CDH17: variants seen among roughly 807,000 people sequenced by gnomAD.
CDH17 encodes cadherin-17.
In CDH17, 67 loss-of-function variants were observed where a neutral mutation model predicts 86.3. The observed-to-expected ratio is 0.78, with a 90% confidence interval of 0.64 to 0.95. The LOEUF is 0.95. Ranked by LOEUF, CDH17 falls within the 40% of genes least tolerant of loss-of-function variation. The probability of loss-of-function intolerance (pLI) is 0.00; values close to 1 mark genes in which losing one functional copy is unlikely to be tolerated. For missense variants in CDH17, 993 were observed against 1,017.6 expected (o/e 0.98, Z 0.33); for synonymous variants, 367 against 366.4 (o/e 1.00, Z -0.02).
chr8:94,192,033 C>G (rs1032081080), intron 2 of CDH17, among the ~76,000 whole-genome samples: 1 of 152,190 alleles, frequency 6.6e-6, no homozygotes, highest in Non-Finnish European at 1.5e-5. Flanking sequence ...TTCAGTTAGT[C>G]ACACCAGTGA....
chr8:94,192,439 A>C (rs1813705882), intron 2 of CDH17, among the ~76,000 whole-genome samples: 1 of 152,214 alleles, frequency 6.6e-6, no homozygotes, highest in African/African-American at 2.4e-5. Flanking sequence ...GGACTTGATC[A>C]CCACAAGACA....
upstream of CDH17, among the ~76,000 whole-genome samples, chr8:94,211,060 A>G (rs925899006): frequency 6.6e-6 from 1 of 151,790 alleles, no homozygotes; most frequent in African/African-American, 2.4e-5. Flanking sequence ...TGAACAAGTG[A>G]AAGGACTTGG....
rs762152827 is a variant in CDH17 at position 94,148,759 on chromosome 8, C to T, written c.1912G>A (p.Val638Met). 1.3e-6 allele frequency: 2 copies of T among 1,528,960 alleles called. No individual in the cohort carries two copies. Among genetic ancestry groups the T allele is most frequent in the East Asian group, 2.5e-5 (1 of 39,532 alleles). The allele number at this position is 1,528,960 out of a possible 1,614,324, so 94.7% of individuals were successfully genotyped here. ...TTTTGCTTACCTACTTCTGTGGCCACCACTTGTACCCGATATGGACTTCCG... is the reference window on the plus strand; with the variant it reads ...TTTTGCTTACCTACTTCTGTGGCCATCACTTGTACCCGATATGGACTTCCG... ...EAGSPYRVQV[V>M]ATEVGGSSLS... Residue 638 changes from valine (V) to methionine (M), a missense_variant, in exon 14 of 18, where the codon GTG becomes ATG. Physicochemically the swap from Val to Met is conservative, Grantham distance 21 (BLOSUM62 1). Transcript: ENST00000027335.
chr8:94,137,777 T>G (rs561419378), intron 15 of CDH17, among the ~76,000 whole-genome samples: 1 of 152,330 alleles, frequency 6.6e-6, no homozygotes, highest in South Asian at 2.1e-4. Context: ...ACCCTGCCAG[T>G]GTCCATGAAA....
chr8:94,135,626 T>C (rs538031100), intron 15 of CDH17, among the ~76,000 whole-genome samples: 3 of 152,326 alleles, frequency 2.0e-5, no homozygotes, highest in East Asian at 3.9e-4. Flanking sequence ...GTCTGTGTCT[T>C]TTAATTGGGG....
intron 15 of CDH17, among the ~76,000 whole-genome samples, chr8:94,142,335 A>C (rs996814352): frequency 6.6e-6 from 1 of 152,220 alleles, no homozygotes; most frequent in Non-Finnish European, 1.5e-5. Flanking sequence ...CTAAAAATAA[A>C]AAACCCCTAA....
chr8:94,182,306 GA>G (rs1213049964), intron 3 of CDH17, among the ~76,000 whole-genome samples: 1 of 151,946 alleles, frequency 6.6e-6, no homozygotes, highest in Non-Finnish European at 1.5e-5. Context: ...ACCCAAACCA[GA>G]AAAAAGTCAA....
At chr8:94,201,594 C>A (rs971030890) in intron 1 of CDH17, among the ~76,000 whole-genome samples, 9 of 152,338 alleles carry the variant, frequency 5.9e-5, no homozygotes, top group African/African-American at 2.2e-4. Flanking sequence ...CTACTGCCCT[C>A]TTGATTTTGG....
chr8:94,128,955 A>G (rs1812355560), intron 17 of CDH17, among the ~76,000 whole-genome samples: 1 of 152,180 alleles, frequency 6.6e-6, no homozygotes, highest in African/African-American at 2.4e-5. Context: ...CTGATTGTGT[A>G]CTGTCAGAGT....
intron 2 of CDH17, among the ~76,000 whole-genome samples, chr8:94,190,498 C>A (rs1813667593): frequency 1.3e-5 from 2 of 152,214 alleles, no homozygotes; most frequent in Admixed American, 6.5e-5. Flanking sequence ...CCTCTAGGAC[C>A]AGGGATTTAG....
chr8:94,178,379 C>T (rs1057321805), intron 3 of CDH17, among the ~76,000 whole-genome samples: 2 of 151,896 alleles, frequency 1.3e-5, no homozygotes, highest in Non-Finnish European at 2.9e-5. Flanking sequence ...TATAAAGAAA[C>T]ATTGTTGATG....
intron 2 of CDH17, among the ~76,000 whole-genome samples, chr8:94,191,345 T>C (rs1476055484): frequency 1.3e-5 from 2 of 152,156 alleles, no homozygotes; most frequent in African/African-American, 4.8e-5. Flanking sequence ...CTGCCCTGGA[T>C]TGCCTACTTC....
At chr8:94,195,154 A>G (rs1009587797) in intron 1 of CDH17, among the ~76,000 whole-genome samples, 2 of 152,138 alleles carry the variant, frequency 1.3e-5, no homozygotes, top group African/African-American at 2.4e-5. Flanking sequence ...AATGCCCATC[A>G]CCACGCCTGG....
At chr8:94,145,571 T>C (rs1812725009) in intron 15 of CDH17, among the ~76,000 whole-genome samples, 1 of 152,196 alleles carries the variant, frequency 6.6e-6, no homozygotes, top group African/African-American at 2.4e-5. Flanking sequence ...GGTATTTACA[T>C]GTAATCAATT....
intron 17 of CDH17, among the ~76,000 whole-genome samples, chr8:94,128,959 T>C (rs1812355704): frequency 6.6e-6 from 1 of 152,176 alleles, no homozygotes; most frequent in Non-Finnish European, 1.5e-5. Context: ...TTGTGTACTG[T>C]CAGAGTCCAC....
chr8:94,147,850 T>C (rs559543753), intron 14 of CDH17, among the ~76,000 whole-genome samples: 52 of 152,322 alleles, frequency 3.4e-4, no homozygotes, highest in African/African-American at 1.3e-3. Context: ...CTGTCTTTCC[T>C]TTCAAAAGTT....
chr8:94,141,892 T>C (rs1293509616), intron 15 of CDH17, among the ~76,000 whole-genome samples: 2 of 152,010 alleles, frequency 1.3e-5, no homozygotes, highest in African/African-American at 4.8e-5. Context: ...GAAAAAGACA[T>C]AGAATGAAGG....
upstream of CDH17, among the ~76,000 whole-genome samples, chr8:94,212,739 CTT>C (rs1814142072): frequency 6.6e-6 from 1 of 152,192 alleles, no homozygotes; most frequent in Admixed American, 6.5e-5. Flanking sequence ...AGTGGACCCA[CTT>C]TGTACTTTGT....
intron 1 of CDH17, chr8:94,203,161 A>G (rs1813954504): frequency 6.4e-6 from 1 of 155,048 alleles, no homozygotes; most frequent in Non-Finnish European, 1.4e-5. Context: ...AAGTCAACAC[A>G]TAAGCATTGA....
Sources: gnomAD v4.1 joint callset for allele counts (sites outside exome capture counted in the v4.1 genomes callset) on GRCh38, gnomAD v4.1.1 for gene constraint, MANE v1.5 for transcripts, NCBI Gene and HGNC (gene_info 2026-07-23, HGNC 2026-07-21) for gene names.